SLCO1B1: variants seen among roughly 807,000 people sequenced by gnomAD.
SLCO1B1 encodes OATP-2.
In SLCO1B1, 81 loss-of-function variants were observed where a neutral mutation model predicts 70.1. The observed-to-expected ratio is 1.16, with a 90% CI of 0.97 to 1.39. The LOEUF (loss-of-function observed/expected upper bound fraction) is 1.39. SLCO1B1 is among the 40% of genes most tolerant of loss of function. The pLI is 0.00. For missense variants in SLCO1B1, 895 were observed against 799.6 expected, an observed-to-expected ratio of 1.12 and a Z score of -1.44; for synonymous variants, 283 against 271.5, an observed-to-expected ratio of 1.04 and a Z score of -0.42.
At chr12:21,171,360 A>C (rs2121095723) in intron 2 of SLCO1B1, among the ~76,000 whole-genome samples, 1 of 152,348 alleles carries the variant, frequency 6.6e-6, no homozygotes, top group South Asian at 2.1e-4. Context: ...AAGATTAGAA[A>C]GATAAAGAGG....
At chr12:21,149,300 C>A (rs1314663353) in intron 2 of SLCO1B1, among the ~76,000 whole-genome samples, 1 of 152,048 alleles carries the variant, frequency 6.6e-6, no homozygotes, top group Non-Finnish European at 1.5e-5. Flanking sequence ...TTGTCTTGTG[C>A]CGGTTTTCAA....
chr12:21,172,761 G>C lies in SLCO1B1; in HGVS notation c.196G>C (p.Val66Leu). The change falls in exon 3 of 15, where the codon GTT (valine) becomes CTT (leucine). Residue 66 changes from valine to leucine, a missense_variant. Val to Leu is a conservative substitution (Grantham distance 32). Coordinates refer to ENST00000256958, the MANE Select transcript of SLCO1B1 (RefSeq NM_006446.5). The stretch of plus-strand genomic sequence containing the variant: ...GAGATTTGAGATATCCTCTTCTCTT[G>C]TTGGTTTTATTGACGGAAGCTTTGA... ...ERRFEISSSL[V>L]GFIDGSFEIG... is the part of the protein sequence containing the mutation. 1 of 1,613,344 alleles carries C rather than the reference G, an allele frequency of 6.2e-7. No homozygotes were observed. Among genetic ancestry groups the C allele is most frequent in the Non-Finnish European group, 8.5e-7 (1 of 1,179,722 alleles).
chr12:21,180,810 C>T (rs191126196), intron 7 of SLCO1B1, among the ~76,000 whole-genome samples: 2 of 152,238 alleles, frequency 1.3e-5, no homozygotes, highest in East Asian at 1.9e-4. Flanking sequence ...TACAGAAATA[C>T]GTGGTAAATG....
chr12:21,133,607 G>A (rs1940173168), intron 1 of SLCO1B1, among the ~76,000 whole-genome samples: 1 of 152,058 alleles, frequency 6.6e-6, no homozygotes, highest in Non-Finnish European at 1.5e-5. Flanking sequence ...GTGAATGGGA[G>A]TTCACTCATG....
Position 21,131,557 on chromosome 12 carries a change from A to T in SLCO1B1, c.-62+321A>T, listed in dbSNP as rs561370244. ...GAAGCTCTAGTTACCTTCTTAAAAT[A>T]TGCTACAGGATAATTATTTTTGTCA... is the stretch of plus-strand genomic sequence containing the variant. On this transcript the variant is annotated intron_variant, in intron 1 of 14. Transcript: ENST00000256958. 2.6e-5 allele frequency among the ~76,000 whole-genome samples: 4 copies of T among 152,260 alleles called. No homozygotes were observed. The South Asian group carries it at 8.3e-4, about 32-fold the overall frequency.
intron 7 of SLCO1B1, among the ~76,000 whole-genome samples, chr12:21,191,881 A>G (rs567557698): frequency 2.0e-5 from 3 of 152,234 alleles, no homozygotes; most frequent in Non-Finnish European, 2.9e-5. Flanking sequence ...ATATTTGATC[A>G]TGTAGATTTT....
At chr12:21,177,583 G>A (rs1054190126) in intron 5 of SLCO1B1, among the ~76,000 whole-genome samples, 2 of 152,052 alleles carry the variant, frequency 1.3e-5, no homozygotes, top group Admixed American at 6.6e-5. Flanking sequence ...ATTGCTGGAA[G>A]TGTATACGTT....
At chr12:21,209,447 C>A (rs959550206) in intron 11 of SLCO1B1, among the ~76,000 whole-genome samples, 1 of 152,120 alleles carries the variant, frequency 6.6e-6, no homozygotes, top group Non-Finnish European at 1.5e-5. Flanking sequence ...TTTTCTTAAT[C>A]CAGTCTATCA....
Position 21,188,431 on chromosome 12 carries a change from A to T in SLCO1B1, c.728-8515A>T, listed in dbSNP as rs1248806747. On this transcript the variant is annotated intron_variant, in intron 7 of 14. Coordinates refer to ENST00000256958, the MANE Select transcript of SLCO1B1 (RefSeq NM_006446.5). ...ATTAAGAATACTATATATAATACAT[A>T]TAACATACAAAACATGTGTTAATCA... is the stretch of plus-strand genomic sequence containing the variant. Among the ~76,000 whole-genome samples the T allele has an allele frequency of 2.6e-5, 4 of 152,160 alleles. No individual in the cohort carries two copies. In the East Asian group the frequency reaches 7.7e-4, roughly 29 times the overall value.
chr12:21,142,066 C>CA (rs1555175582), intron 2 of SLCO1B1, among the ~76,000 whole-genome samples: 31 of 44,290 alleles, frequency 7.0e-4, no homozygotes, highest in African/African-American at 1.3e-3. Flanking sequence ...TTTAAAAATT[C>CA]TTTTAAAAAA....
intron 7 of SLCO1B1, among the ~76,000 whole-genome samples, chr12:21,184,063 A>T (rs1940935887): frequency 6.6e-6 from 1 of 152,104 alleles, no homozygotes; most frequent in Non-Finnish European, 1.5e-5. Context: ...AAAAAAACAT[A>T]AAAATGAAGA....
intron 7 of SLCO1B1, among the ~76,000 whole-genome samples, chr12:21,188,110 A>G (rs1278088875): frequency 1.3e-5 from 2 of 152,144 alleles, no homozygotes; most frequent in African/African-American, 4.8e-5. Context: ...AGTTCCATTT[A>G]GAAAAATTTT....
At chr12:21,214,582 G>T (rs1015666891) in intron 11 of SLCO1B1, among the ~76,000 whole-genome samples, 2 of 149,036 alleles carry the variant, frequency 1.3e-5, no homozygotes, top group Non-Finnish European at 3.0e-5. Flanking sequence ...AGCTGTGGTG[G>T]GCTCCGCCCA....
Position 21,152,533 on chromosome 12 carries a change from C to CTTTTTTTTT in SLCO1B1, c.84+10885_84+10893dup, listed in dbSNP as rs71043250. On this transcript the variant is annotated intron_variant, in intron 2 of 14. Coordinates refer to ENST00000256958, the MANE Select transcript of SLCO1B1 (RefSeq NM_006446.5). ...TTGCTAAGGTGTGGGAGAGGAGAGG[C>CTTTTTTTTT]TTTTTTTTTTTTTTTTTTGCCTCTG... is the stretch of plus-strand genomic sequence containing the variant. Among the ~76,000 whole-genome samples the CTTTTTTTTT allele has an allele frequency of 1.7e-3, 60 of 34,338 alleles. 17 individuals carry two copies. The highest frequency in any genetic ancestry group is 4.0e-3 in the Admixed American group (7 of 1,750). 22.5% of individuals were successfully genotyped at this position (34,338 alleles called of 152,430 possible).
intron 10 of SLCO1B1, among the ~76,000 whole-genome samples, chr12:21,202,887 T>C (rs942818155): frequency 6.6e-6 from 1 of 152,062 alleles, no homozygotes; most frequent in Non-Finnish European, 1.5e-5. Context: ...AGAAGCAACA[T>C]AGGTTGTAAT....
chr12:21,192,646 T>C (rs1185702873), intron 7 of SLCO1B1, among the ~76,000 whole-genome samples: 1 of 151,982 alleles, frequency 6.6e-6, no homozygotes, highest in Non-Finnish European at 1.5e-5. Context: ...TTTGTTTTTC[T>C]TTTTATAATT....
chr12:21,212,893 C>CT (rs1336217534), intron 11 of SLCO1B1, among the ~76,000 whole-genome samples: 4 of 152,008 alleles, frequency 2.6e-5, no homozygotes, highest in African/African-American at 4.8e-5. Context: ...CAACCCCTAA[C>CT]TTTTTTTGTT....
chr12:21,179,305 A>G (rs1420061557), intron 7 of SLCO1B1, among the ~76,000 whole-genome samples: 1 of 152,114 alleles, frequency 6.6e-6, no homozygotes, highest in African/African-American at 2.4e-5. Flanking sequence ...TCCCAAACTG[A>G]CTGTCCAGTC....
chr12:21,173,815 C>T (rs1046998040), intron 3 of SLCO1B1, among the ~76,000 whole-genome samples: 3 of 148,602 alleles, frequency 2.0e-5, no homozygotes, highest in Non-Finnish European at 3.0e-5. Context: ...CTCTGTCGCC[C>T]AGGCTGTAGT....
Sources: allele counts gnomAD v4.1 joint callset (sites outside exome capture counted in the v4.1 genomes callset), GRCh38; gene constraint gnomAD v4.1.1; transcripts MANE v1.5; gene names NCBI Gene and HGNC (gene_info 2026-07-23, HGNC 2026-07-21).